Variants in PTPRO observed in about 807,000 individuals in gnomAD.
The protein encoded by PTPRO is receptor-type tyrosine-protein phosphatase O.
PTPRO carries 62 observed loss-of-function variants against 145.2 expected under a neutral mutation model. The observed-to-expected ratio is 0.43, with a 90% CI of 0.35 to 0.53. The LOEUF is 0.53. PTPRO is among the 20% of genes least tolerant of loss of function. The pLI is 0.01. For synonymous variants in PTPRO, 565 were observed against 514.7 expected (o/e 1.10, Z -1.32); for missense variants, 1,345 against 1,482.7 (o/e 0.91, Z 1.53).
intron 12 of PTPRO, among the ~76,000 whole-genome samples, chr12:15,526,824 T>G (rs1942849016): frequency 6.6e-6 from 1 of 151,866 alleles, no homozygotes; most frequent in African/African-American, 2.4e-5. Flanking sequence ...AATGAATAAG[T>G]TGGGGTTTAT....
At position 15,408,503 on chromosome 12, in the gene PTPRO, C is replaced by G. The variant is rs117826113; in HGVS notation, c.76-75471C>G. Among the ~76,000 whole-genome samples, 1,030 of 152,280 alleles carry G rather than the reference C, an allele frequency of 6.8e-3. 6 individuals are homozygous for G. The highest frequency in any genetic ancestry group is 0.011 in the Non-Finnish European group (757 of 68,018). ...GTGTGCAGTGGCATGATCTCCCTCA[C>G]TGCAAACTCCGCCTCCTGGGTTCAA... On this transcript the variant is annotated intron_variant, in intron 1 of 26. Transcript: ENST00000281171.
At chr12:15,373,267 C>T (rs2136262662) in intron 1 of PTPRO, among the ~76,000 whole-genome samples, 1 of 152,228 alleles carries the variant, frequency 6.6e-6, no homozygotes, top group South Asian at 2.1e-4. Context: ...ATGATGGTGA[C>T]AGCAAATTGT....
At chr12:15,411,367 T>C (rs1189549984) in intron 1 of PTPRO, among the ~76,000 whole-genome samples, 1 of 152,262 alleles carries the variant, frequency 6.6e-6, no homozygotes, top group Admixed American at 6.5e-5. Flanking sequence ...CAGTTCTTTT[T>C]CCGCTGACCA....
At chr12:15,345,005 T>C (rs1867149185) in intron 1 of PTPRO, among the ~76,000 whole-genome samples, 1 of 152,184 alleles carries the variant, frequency 6.6e-6, no homozygotes, top group African/African-American at 2.4e-5. Flanking sequence ...CCTATCATCC[T>C]ATCTTTCTAC....
At chr12:15,596,053 C>A (rs1458659953) in intron 26 of PTPRO, 37 bp from the exon 27 acceptor site, 1 of 152,154 alleles carries the variant, frequency 6.6e-6, no homozygotes, top group Non-Finnish European at 1.5e-5. Flanking sequence ...TGCTGTGACA[C>A]CAGGCTGCTT....
intron 15 of PTPRO, among the ~76,000 whole-genome samples, chr12:15,555,470 G>A (rs1278413272): frequency 2.0e-5 from 3 of 152,158 alleles, no homozygotes; most frequent in African/African-American, 7.2e-5. Context: ...GGGGAACAAT[G>A]TGTATGCAGA....
chr12:15,517,520 C>T (rs958860825), intron 9 of PTPRO, among the ~76,000 whole-genome samples: 3 of 152,134 alleles, frequency 2.0e-5, no homozygotes, highest in Admixed American at 6.5e-5. Context: ...CTAATTAACT[C>T]GAAAGTGCAC....
intron 1 of PTPRO, among the ~76,000 whole-genome samples, chr12:15,325,533 A>G (rs1386205889): frequency 2.0e-5 from 3 of 152,192 alleles, no homozygotes; most frequent in African/African-American, 7.2e-5. Context: ...TTATATCAAT[A>G]TTGATGGTGT....
chr12:15,420,518 G>T (rs1039992454), intron 1 of PTPRO, among the ~76,000 whole-genome samples: 1 of 151,494 alleles, frequency 6.6e-6, no homozygotes, highest in Non-Finnish European at 1.5e-5. Context: ...GTTCCTTCCC[G>T]TCTTACCACA....
At chr12:15,516,147 T>C (rs777167149) in intron 8 of PTPRO, among the ~76,000 whole-genome samples, 33 of 151,062 alleles carry the variant, frequency 2.2e-4, no homozygotes, top group Non-Finnish European at 2.8e-4. Flanking sequence ...CATGCCACCA[T>C]GCCTGGCTAA....
intron 1 of PTPRO, among the ~76,000 whole-genome samples, chr12:15,477,802 T>A (rs1011998805): frequency 3.3e-5 from 5 of 152,270 alleles, no homozygotes; most frequent in Admixed American, 3.3e-4. Flanking sequence ...TGTGCTGATA[T>A]CCTCCATGGC....
At chr12:15,569,772 C>G (rs1480518150) in intron 19 of PTPRO, among the ~76,000 whole-genome samples, 2 of 152,102 alleles carry the variant, frequency 1.3e-5, no homozygotes, top group Non-Finnish European at 2.9e-5. Context: ...CATTGAAAAC[C>G]AGGGAAATCG....
intron 1 of PTPRO, among the ~76,000 whole-genome samples, chr12:15,377,923 A>C (rs1037746652): frequency 2.6e-5 from 4 of 152,136 alleles, no homozygotes; most frequent in African/African-American, 9.6e-5. Flanking sequence ...TAACAAGTGA[A>C]ATTTTAAAAT....
At chr12:15,584,134 G>A (rs551938711) in intron 23 of PTPRO, among the ~76,000 whole-genome samples, 91 of 152,130 alleles carry the variant, frequency 6.0e-4, no homozygotes, top group Non-Finnish European at 8.2e-4. Flanking sequence ...TACAATTCTC[G>A]CTTCTTGTGT....
At position 15,361,732 on chromosome 12, in the gene PTPRO, CAA is replaced by C. The variant is rs746923448; in HGVS notation, c.75+38935_75+38936del. Among the ~76,000 whole-genome samples the C allele has an allele frequency of 7.9e-5, 12 of 152,202 alleles. No homozygotes were observed. The East Asian group carries it at 2.3e-3, about 29-fold the overall frequency. On this transcript the variant is annotated intron_variant, in intron 1 of 26. Transcript: ENST00000281171. ...GTTATGTGGACGTTTGGCAAATGTA[CAA>C]AAAGAATCAGCAAAGTTTTATTACA...
chr12:15,332,592 A>G (rs938009081), intron 1 of PTPRO, among the ~76,000 whole-genome samples: 2 of 152,226 alleles, frequency 1.3e-5, no homozygotes, highest in South Asian at 2.1e-4. Flanking sequence ...AGACCAATCA[A>G]CTTTGTTCAG....
intron 7 of PTPRO, among the ~76,000 whole-genome samples, chr12:15,509,202 C>G (rs986524058): frequency 6.6e-6 from 1 of 151,818 alleles, no homozygotes; most frequent in African/African-American, 2.4e-5. Flanking sequence ...AGGAGCTGAG[C>G]GTGAGTAACA....
chr12:15,419,328 C>T (rs1940069269), intron 1 of PTPRO, among the ~76,000 whole-genome samples: 1 of 151,274 alleles, frequency 6.6e-6, no homozygotes, highest in Non-Finnish European at 1.5e-5. Context: ...GGAGAAAGGT[C>T]AGTGTAACAG....
At chr12:15,378,414 A>G (rs1231006229) in intron 1 of PTPRO, among the ~76,000 whole-genome samples, 1 of 152,018 alleles carries the variant, frequency 6.6e-6, no homozygotes, top group Non-Finnish European at 1.5e-5. Context: ...TACACTATTA[A>G]CAACCCCATA....
Sources: gnomAD v4.1 joint callset for allele counts (sites outside exome capture counted in the v4.1 genomes callset) on GRCh38, gnomAD v4.1.1 for gene constraint, MANE v1.5 for transcripts, NCBI Gene and HGNC (gene_info 2026-07-23, HGNC 2026-07-21) for gene names.